Variants in MBD2 observed in about 807,000 individuals in gnomAD.
MBD2 encodes methyl-CpG binding domain protein 2.
In MBD2, 9 loss-of-function variants were observed where a neutral mutation model predicts 39.3. That is an observed-to-expected ratio of 0.23 (90% CI 0.14 to 0.40). The LOEUF (loss-of-function observed/expected upper bound fraction) is 0.40, where lower values mean the gene tolerates loss of function less well. Ranked by LOEUF, MBD2 falls within the 10% of genes least tolerant of loss-of-function variation. The pLI, the probability that MBD2 is intolerant of heterozygous loss-of-function variation, is 1.00. For missense variants in MBD2, 458 were observed against 532.6 expected (o/e 0.86, Z 1.38); for synonymous variants, 233 against 211.1 (o/e 1.10, Z -0.90).
intron 1 of MBD2, among the ~76,000 whole-genome samples, chr18:54,205,885 G>T (rs554965767): frequency 6.6e-6 from 1 of 150,986 alleles, no homozygotes; most frequent in African/African-American, 2.4e-5. Context: ...ATACAACTAC[G>T]CCAGCAATAA....
chr18:54,172,908 T>C (rs911452078), intron 3 of MBD2, among the ~76,000 whole-genome samples: 1 of 152,214 alleles, frequency 6.6e-6, no homozygotes, highest in Non-Finnish European at 1.5e-5. Context: ...TGAGGAAGCG[T>C]TATAAACACT....
intron 1 of MBD2, among the ~76,000 whole-genome samples, chr18:54,205,856 T>C (rs1026797299): frequency 6.6e-6 from 1 of 152,106 alleles, no homozygotes; most frequent in Non-Finnish European, 1.5e-5. Flanking sequence ...TGCTTTTTTT[T>C]TCCCTGCAAG....
intron 3 of MBD2, among the ~76,000 whole-genome samples, chr18:54,168,455 T>C (rs766738401): frequency 4.0e-4 from 60 of 151,680 alleles, no homozygotes; most frequent in Non-Finnish European, 6.2e-4. Context: ...ATGCCCTCTT[T>C]ATAAGAGAGG....
intron 2 of MBD2, among the ~76,000 whole-genome samples, chr18:54,190,917 T>C (rs2086316101): frequency 1.3e-5 from 2 of 152,162 alleles, no homozygotes; most frequent in South Asian, 4.1e-4. Context: ...GGCACAGAAT[T>C]GCTATTAAGT....
chr18:54,223,148 C>A (rs1474319173), intron 1 of MBD2, among the ~76,000 whole-genome samples: 1 of 152,192 alleles, frequency 6.6e-6, no homozygotes, highest in Non-Finnish European at 1.5e-5. Flanking sequence ...CCACGGATGT[C>A]AATTGCCATA....
intron 2 of MBD2, among the ~76,000 whole-genome samples, chr18:54,198,186 T>C (rs959108439): frequency 6.6e-6 from 1 of 152,156 alleles, no homozygotes; most frequent in African/African-American, 2.4e-5. Context: ...GCTCTGATGG[T>C]GGTGAACTGA....
At position 54,224,305 on chromosome 18, in the gene MBD2, TCCCCGGCCACGGCCCCGG is replaced by T. The variant is rs1237306698; in HGVS notation, c.237_254del (p.Gly91_Arg96del). 32 of 932,536 alleles carry T rather than the reference TCCCCGGCCACGGCCCCGG, an allele frequency of 3.4e-5. No homozygotes were observed. Among genetic ancestry groups the T allele is most frequent in the Admixed American group, 6.4e-5 (1 of 15,592 alleles). The allele number at this position is 932,536 out of a possible 1,614,324, so 57.8% of individuals were successfully genotyped here. ...GGCCCCGGCCCCGGCCCCGTCCCCGTCCCCGGCCACGGCCCCGGCCCCGGCCACGGCCACAGACGCCGC... is the reference window on the plus strand; with the variant it reads ...GGCCCCGGCCCCGGCCCCGTCCCCGTCCCCGGCCACGGCCACAGACGCCGC... On this transcript the variant is annotated inframe_deletion, in exon 1 of 7. Transcript: ENST00000256429.
chr18:54,200,676 TTTATTTGCATATTGAGGCGCAAAGC>T (rs1220289696), intron 2 of MBD2, among the ~76,000 whole-genome samples: 88 of 147,292 alleles, frequency 6.0e-4, no homozygotes, highest in African/African-American at 2.2e-3. Flanking sequence ...AGGTTTGGTT[TTTATTTGCATATTGAGGCGCAAAGC>T]TTATTTGCAT....
At chr18:54,216,827 A>G (rs1407849652) in intron 1 of MBD2, among the ~76,000 whole-genome samples, 1 of 152,162 alleles carries the variant, frequency 6.6e-6, no homozygotes. Context: ...CAGCATTCAC[A>G]TGCCTGTAAT....
intron 1 of MBD2, among the ~76,000 whole-genome samples, chr18:54,205,591 CAAAAA>C (rs10719481): frequency 1.1e-5 from 1 of 90,082 alleles, no homozygotes; most frequent in Non-Finnish European, 2.2e-5. Context: ...AACTCTATCT[CAAAAA>C]AAAAAAAAAA....
intron 5 of MBD2, 73 bp downstream of exon 5, chr18:54,164,450 A>G: frequency 7.3e-7 from 1 of 1,362,238 alleles, no homozygotes; most frequent in Non-Finnish European, 1.0e-6. Flanking sequence ...TATGCCACTG[A>G]ACCTAATGAA....
chr18:54,222,484 C>CTT, intron 1 of MBD2: 1 of 375,678 alleles, frequency 2.7e-6, no homozygotes, highest in Non-Finnish European at 5.3e-6. Flanking sequence ...CACACTTTTT[C>CTT]TTTTTTTTCT....
chr18:54,213,447 G>A (rs2086527815), intron 1 of MBD2, among the ~76,000 whole-genome samples: 1 of 152,168 alleles, frequency 6.6e-6, no homozygotes, highest in South Asian at 2.1e-4. Flanking sequence ...CATGAAACCG[G>A]TCCCTGGTGC....
At chr18:54,203,738 C>G (rs577509708) in intron 2 of MBD2, among the ~76,000 whole-genome samples, 10 of 152,294 alleles carry the variant, frequency 6.6e-5, no homozygotes, top group Admixed American at 2.6e-4. Flanking sequence ...TGACAAGAGG[C>G]AAGAGAGCTC....
intron 3 of MBD2, among the ~76,000 whole-genome samples, chr18:54,185,589 AG>A (rs938072535): frequency 7.2e-5 from 11 of 152,256 alleles, no homozygotes; most frequent in Middle Eastern, 3.4e-3. Flanking sequence ...AAACTAGGAA[AG>A]GCATTGTTAC....
intron 3 of MBD2, among the ~76,000 whole-genome samples, chr18:54,181,134 A>G (rs2086249529): frequency 6.6e-6 from 1 of 152,072 alleles, no homozygotes; most frequent in African/African-American, 2.4e-5. Flanking sequence ...GCCTCAAGAA[A>G]TGTGCCTGCC....
intron 5 of MBD2, among the ~76,000 whole-genome samples, chr18:54,161,064 C>G (rs1003369643): frequency 2.6e-5 from 4 of 152,086 alleles, no homozygotes; most frequent in Non-Finnish European, 5.9e-5. Flanking sequence ...GGTAGAGGAG[C>G]AATGCTATAG....
chr18:54,176,504 A>C (rs1052864980), intron 3 of MBD2, among the ~76,000 whole-genome samples: 1 of 152,226 alleles, frequency 6.6e-6, no homozygotes, highest in Non-Finnish European at 1.5e-5. Context: ...TTGTCACATA[A>C]TTGTCGATTA....
intron 3 of MBD2, among the ~76,000 whole-genome samples, chr18:54,186,816 T>C (rs2086289585): frequency 6.6e-6 from 1 of 152,210 alleles, no homozygotes; most frequent in African/African-American, 2.4e-5. Flanking sequence ...CTATGCAAGC[T>C]AAAAGGAAGA....
Sources: allele counts gnomAD v4.1 joint callset (sites outside exome capture counted in the v4.1 genomes callset), GRCh38; gene constraint gnomAD v4.1.1; transcripts MANE v1.5; gene names NCBI Gene and HGNC (gene_info 2026-07-23, HGNC 2026-07-21).